CDH2: variants seen among roughly 807,000 people sequenced by gnomAD.
CDH2 encodes cadherin 2.
CDH2 carries 17 observed loss-of-function variants against 92.0 expected under a neutral mutation model. That is an observed-to-expected ratio of 0.18 (90% confidence interval 0.13 to 0.28). CDH2 has a LOEUF of 0.28. Ranked by LOEUF, CDH2 falls within the 10% of genes least tolerant of loss-of-function variation. The pLI is 1.00. For missense variants in CDH2, 862 were observed against 1,133.1 expected (o/e 0.76, Z 3.44); for synonymous variants, 419 against 415.9 (o/e 1.01, Z -0.09).
chr18:28,166,170 A>ATATATATATATATATATATATATATG (rs1020592723), intron 1 of CDH2, among the ~76,000 whole-genome samples: 58 of 136,078 alleles, frequency 4.3e-4, no homozygotes, highest in African/African-American at 1.7e-3. Context: ...ATATATATAT[A>ATATATATATATATATATATATATATG]TATGTCTGTA....
intron 14 of CDH2, among the ~76,000 whole-genome samples, chr18:27,966,379 G>C (rs2011534901): frequency 6.6e-6 from 1 of 152,124 alleles, no homozygotes; most frequent in South Asian, 2.1e-4. Flanking sequence ...AGAATATAGA[G>C]GAATTTCGTT....
intron 2 of CDH2, among the ~76,000 whole-genome samples, chr18:28,118,560 G>T (rs1443824477): frequency 6.6e-6 from 1 of 151,718 alleles, no homozygotes; most frequent in Admixed American, 6.6e-5. Flanking sequence ...TGCATTTACA[G>T]TTTAATTAGT....
chr18:28,088,817 A>G (rs1263681704), intron 2 of CDH2, among the ~76,000 whole-genome samples: 1 of 152,228 alleles, frequency 6.6e-6, no homozygotes, highest in Non-Finnish European at 1.5e-5. Flanking sequence ...CAAAGAAGCC[A>G]AAGTGTGAAA....
At chr18:28,003,777 T>C (rs1431479753) in intron 6 of CDH2, among the ~76,000 whole-genome samples, 2 of 152,236 alleles carry the variant, frequency 1.3e-5, no homozygotes, top group East Asian at 3.8e-4. Flanking sequence ...GGAACCAACT[T>C]AGAGACTTCA....
At chr18:27,967,113 C>CA (rs1379999729) in intron 14 of CDH2, among the ~76,000 whole-genome samples, 2 of 152,002 alleles carry the variant, frequency 1.3e-5, no homozygotes, top group Non-Finnish European at 2.9e-5. Flanking sequence ...CACAAAGAGG[C>CA]AAAAAATCAC....
intron 2 of CDH2, among the ~76,000 whole-genome samples, chr18:28,131,197 G>T (rs1231355114): frequency 6.6e-6 from 1 of 151,856 alleles, no homozygotes; most frequent in South Asian, 2.1e-4. Flanking sequence ...GTTTCATCTG[G>T]TCTATTCACA....
intron 2 of CDH2, among the ~76,000 whole-genome samples, chr18:28,044,269 G>A (rs1025145469): frequency 2.0e-5 from 3 of 152,110 alleles, no homozygotes; most frequent in Admixed American, 2.0e-4. Flanking sequence ...TGGCAGCTGC[G>A]CTAATTTGCT....
chr18:28,078,392 C>A (rs1340559065), intron 2 of CDH2, among the ~76,000 whole-genome samples: 1 of 152,010 alleles, frequency 6.6e-6, no homozygotes, highest in Non-Finnish European at 1.5e-5. Context: ...AATAGGGTAT[C>A]TGAACTTCAG....
chr18:28,103,280 G>GTA (rs1385737792), intron 2 of CDH2, among the ~76,000 whole-genome samples: 1 of 127,844 alleles, frequency 7.8e-6, no homozygotes, highest in Non-Finnish European at 1.6e-5. Flanking sequence ...TATATATAAA[G>GTA]TATATATATA....
At chr18:28,095,242 C>T (rs541181052) in intron 2 of CDH2, among the ~76,000 whole-genome samples, 117 of 151,970 alleles carry the variant, frequency 7.7e-4, no homozygotes, top group African/African-American at 2.7e-3. Flanking sequence ...AACGAACAAG[C>T]CAAGGAGTGA....
chr18:27,949,070 A>G (rs550509809), downstream of CDH2, among the ~76,000 whole-genome samples: 84 of 152,082 alleles, frequency 5.5e-4, 3 homozygotes, highest in South Asian at 0.017. Flanking sequence ...AGTACGTCAC[A>G]TGGTTACAGT....
At chr18:27,938,254 C>T (rs1053150639) in intron 6 of CDH2, among the ~76,000 whole-genome samples, 2 of 152,070 alleles carry the variant, frequency 1.3e-5, no homozygotes, top group African/African-American at 2.4e-5. Flanking sequence ...CCTGCAGAAC[C>T]GTGAACCAGT....
exon 7 of CDH2, among the ~76,000 whole-genome samples, chr18:27,932,887 T>C (rs1423990198): frequency 1.3e-5 from 2 of 152,160 alleles, no homozygotes; most frequent in African/African-American, 4.8e-5. Context: ...AATATATTCA[T>C]GCATTTTTTA....
intron 1 of CDH2, among the ~76,000 whole-genome samples, chr18:28,153,698 C>A (rs1464949526): frequency 6.6e-6 from 1 of 152,170 alleles, no homozygotes; most frequent in Non-Finnish European, 1.5e-5. Flanking sequence ...CCCATCTGTA[C>A]AACAAGAGTA....
intron 2 of CDH2, chr18:28,146,410 C>G (rs2016035771): frequency 6.6e-6 from 1 of 151,956 alleles, no homozygotes; most frequent in Non-Finnish European, 1.5e-5. Context: ...TAAAGAAAGG[C>G]TGTACACGGA....
In CDH2 at chr18:27,985,240, G is replaced by A. The variant is rs1309667106; in HGVS notation, c.1976-7C>T. On this transcript the variant is annotated splice_polypyrimidine_tract_variant and splice_region_variant and intron_variant, in intron 12 of 15. Transcript: ENST00000269141. ...TTAAGCTGAGCAAAATCACCTATAT[G>A]AAAAAGGAAAAACATAGTTTGATAG... is the stretch of plus-strand genomic sequence containing the variant. 2 of 1,489,738 alleles carry A rather than the reference G, an allele frequency of 1.3e-6. No homozygotes were observed. The highest frequency in any genetic ancestry group is 1.9e-6 in the Non-Finnish European group (2 of 1,070,014). The allele number at this position is 1,489,738 out of a possible 1,614,324, so 92.3% of individuals were successfully genotyped here. A position where few individuals can be genotyped will look rare whatever the true frequency, so the allele number is the denominator to read the frequency against.
chr18:28,153,011 A>C (rs2016149270), intron 1 of CDH2, among the ~76,000 whole-genome samples: 2 of 152,202 alleles, frequency 1.3e-5, no homozygotes, highest in African/African-American at 2.4e-5. Context: ...CAAGTAGGAA[A>C]AATAATTGCA....
intron 1 of CDH2, among the ~76,000 whole-genome samples, chr18:28,165,634 T>C (rs900490681): frequency 3.3e-5 from 5 of 152,078 alleles, no homozygotes; most frequent in South Asian, 2.1e-4. Context: ...ACATCAAATG[T>C]GTTGTCCAAG....
chr18:27,934,930 T>A (rs1003971990), intron 6 of CDH2, among the ~76,000 whole-genome samples: 8 of 152,214 alleles, frequency 5.3e-5, no homozygotes, highest in African/African-American at 1.9e-4. Flanking sequence ...TTTAGCATAC[T>A]ACACAGGTCT....
Sources: gnomAD v4.1 joint callset for allele counts (sites outside exome capture counted in the v4.1 genomes callset) on GRCh38, gnomAD v4.1.1 for gene constraint, MANE v1.5 for transcripts, NCBI Gene and HGNC (gene_info 2026-07-23, HGNC 2026-07-21) for gene names.